The following PCDHA4 variants were observed in gnomAD, a reference collection of about 807,000 sequenced individuals.
The protein encoded by PCDHA4 is protocadherin alpha 4.
In PCDHA4, 49 loss-of-function variants were observed where a neutral mutation model predicts 61.4. That is an observed-to-expected ratio of 0.80 (90% CI 0.63 to 1.01). The LOEUF is 1.01. PCDHA4 is among the 50% of genes least tolerant of loss of function. The pLI is 0.00. For synonymous variants in PCDHA4, 590 were observed against 550.3 expected (o/e 1.07, Z -1.01); for missense variants, 1,254 against 1,235.8 (o/e 1.01, Z -0.22).
chr5:140,929,070 G>A lies in PCDHA4; in HGVS notation c.2386-49879G>A, dbSNP rs2085795989. 2.5e-6 allele frequency: 4 copies of A among 1,614,200 alleles called. No homozygotes were observed. The African/African-American group carries it at 5.3e-5, about 22-fold the overall frequency. ...GCTGTCGCTCTACAGAGGATCTGAG[G>A]TATGGAAGTAAGATGGTTTCAAATC... On this transcript the variant is annotated intron_variant, in intron 1 of 3. Coordinates refer to ENST00000530339, the MANE Select transcript of PCDHA4 (RefSeq NM_018907.4).
At chr5:140,909,872 G>A (rs1245615872) in intron 1 of PCDHA4, among the ~76,000 whole-genome samples, 2 of 152,182 alleles carry the variant, frequency 1.3e-5, no homozygotes, top group African/African-American at 4.8e-5. Flanking sequence ...GTCAACGTCA[G>A]CTTAGAGACA....
In PCDHA4 at chr5:140,877,360, G is replaced by A. The variant is rs199937567; in HGVS notation, c.2385+67788G>A. Reference sequence around the variant, plus strand: ...GTTCCACGTGGGGCTGTACACTGGCGAGATCAGCACGACACGCATCCTGGA... The same window carrying A: ...GTTCCACGTGGGGCTGTACACTGGCAAGATCAGCACGACACGCATCCTGGA... On this transcript the variant is annotated intron_variant, in intron 1 of 3. Coordinates refer to ENST00000530339, the MANE Select transcript of PCDHA4 (RefSeq NM_018907.4). 63 of 1,614,022 alleles carry A rather than the reference G, an allele frequency of 3.9e-5. No individual in the cohort carries two copies. The highest frequency in any genetic ancestry group is 6.7e-5 in the Admixed American group (4 of 60,028).
At chr5:140,848,871 A>T in intron 1 of PCDHA4, 1 of 1,590,856 alleles carries the variant, frequency 6.3e-7, no homozygotes, top group Non-Finnish European at 8.6e-7. Context: ...GGTGAAGGAC[A>T]TTAACGACAA....
intron 1 of PCDHA4, among the ~76,000 whole-genome samples, chr5:140,899,492 T>A (rs1325439071): frequency 3.9e-5 from 6 of 152,338 alleles, no homozygotes; most frequent in Admixed American, 3.3e-4. Context: ...CTGGATTACA[T>A]TTATTGATTT....
In PCDHA4 at chr5:140,926,973, G is replaced by T. The variant is rs369317394; in HGVS notation, c.2386-51976G>T. 5.0e-6 allele frequency: 8 copies of T among 1,609,646 alleles called. No homozygotes were observed. The African/African-American group carries it at 1.1e-4, about 21-fold the overall frequency. On this transcript the variant is annotated intron_variant, in intron 1 of 3. Transcript: ENST00000530339. ...CGGGACAGCTCGAGTACTCAGTGCC[G>T]GAGGAGACGGAGCGGGGCGTAGCCG...
rs189790601 is a variant in PCDHA4 at position 140,875,550 on chromosome 5, G to A, written c.2385+65978G>A. ...TTCTGCTCCTTGCAGCCTGGGAGGTGGGGAGCGGCCAGCTCCACTACTCCG... is the reference window on the plus strand; with the variant it reads ...TTCTGCTCCTTGCAGCCTGGGAGGTAGGGAGCGGCCAGCTCCACTACTCCG... On this transcript the variant is annotated intron_variant, in intron 1 of 3. Transcript: ENST00000530339. 51 of 1,614,134 alleles carry A rather than the reference G, an allele frequency of 3.2e-5. No homozygotes were observed. In the African/African-American group the frequency reaches 5.7e-4, roughly 18 times the overall value.
In PCDHA4 at chr5:140,942,596, A is replaced by T. The variant is rs116159999; in HGVS notation, c.2386-36353A>T. On this transcript the variant is annotated intron_variant, in intron 1 of 3. Coordinates refer to ENST00000530339, the MANE Select transcript of PCDHA4 (RefSeq NM_018907.4). ...CCCATATAGGATGTCACATATAATT[A>T]TAGTGTTTATATTTGCCAATTGTAA... 7.0e-3 allele frequency among the ~76,000 whole-genome samples: 992 copies of T among 142,408 alleles called. 16 individuals carry two copies. Among genetic ancestry groups the T allele is most frequent in the African/African-American group, 0.025 (912 of 36,952 alleles). 93.4% of individuals were successfully genotyped at this position (142,408 alleles called of 152,430 possible).
intron 1 of PCDHA4, chr5:140,850,180 C>G: frequency 6.3e-7 from 1 of 1,593,798 alleles, no homozygotes; most frequent in African/African-American, 1.3e-5. Flanking sequence ...AACGACAATG[C>G]GCCGGCGCTG....
intron 3 of PCDHA4, among the ~76,000 whole-genome samples, chr5:140,989,275 G>A (rs2097335515): frequency 6.6e-6 from 1 of 152,096 alleles, no homozygotes; most frequent in African/African-American, 2.4e-5. Context: ...TTTCTGCTGG[G>A]GACATCTCAG....
intron 1 of PCDHA4, among the ~76,000 whole-genome samples, chr5:140,894,202 A>G (rs1554185980): frequency 6.6e-6 from 1 of 152,034 alleles, no homozygotes. Context: ...TTTCTATGCT[A>G]TTATATTCTC....
intron 1 of PCDHA4, chr5:140,928,060 T>C: frequency 6.2e-7 from 1 of 1,614,204 alleles, no homozygotes; most frequent in Non-Finnish European, 8.5e-7. Flanking sequence ...GCTGACGGCT[T>C]CCTTTGACAA....
intron 1 of PCDHA4, chr5:140,843,536 C>G: frequency 6.3e-7 from 1 of 1,595,956 alleles, no homozygotes; most frequent in Non-Finnish European, 8.6e-7. Context: ...CAAGCCCACT[C>G]TGGTGTGCTC....
intron 1 of PCDHA4, chr5:140,825,809 T>A (rs1318572939): frequency 6.6e-6 from 1 of 152,498 alleles, no homozygotes; most frequent in African/African-American, 2.4e-5. Flanking sequence ...TTACTGCTTG[T>A]TGTTACTTTT....
intron 1 of PCDHA4, chr5:140,876,573 C>T (rs2056433061): frequency 6.2e-7 from 1 of 1,614,152 alleles, no homozygotes; most frequent in South Asian, 1.1e-5. Context: ...AGGTGGGTAC[C>T]GTCATTGCCC....
intron 1 of PCDHA4, among the ~76,000 whole-genome samples, chr5:140,919,944 A>T (rs1554199311): frequency 6.6e-6 from 1 of 151,622 alleles, no homozygotes; most frequent in Non-Finnish European, 1.5e-5. Flanking sequence ...AATTCCAGTG[A>T]AAAGTTTGTT....
In PCDHA4 at chr5:140,929,054, C is replaced by T. The variant is rs782514800; in HGVS notation, c.2386-49895C>T. 27 of 1,614,056 alleles carry T rather than the reference C, an allele frequency of 1.7e-5. No individual in the cohort carries two copies. The highest frequency in any genetic ancestry group is 2.1e-5 in the Non-Finnish European group (25 of 1,180,042). ...TGTTGCGCTCAGAGCTGCTGTCGCT[C>T]TACAGAGGATCTGAGGTATGGAAGT... is the stretch of plus-strand genomic sequence containing the variant. On this transcript the variant is annotated intron_variant, in intron 1 of 3. Coordinates refer to ENST00000530339, the MANE Select transcript of PCDHA4 (RefSeq NM_018907.4).
In PCDHA4 at chr5:140,835,864, T is replaced by C. The variant is rs2150246825; in HGVS notation, c.2385+26292T>C. 15 of 1,611,970 alleles carry C rather than the reference T, an allele frequency of 9.3e-6. No homozygotes were observed. The highest frequency in any genetic ancestry group is 1.2e-5 in the Non-Finnish European group (14 of 1,179,634). ...AAGAACGCGCTGGTGTCCTACTCGC[T>C]GGTGGAGCTGCGGGTGGGCGAGCGC... On this transcript the variant is annotated intron_variant, in intron 1 of 3. Transcript: ENST00000530339.
intron 1 of PCDHA4, chr5:140,850,828 C>T: frequency 6.3e-7 from 1 of 1,598,230 alleles, no homozygotes; most frequent in African/African-American, 1.3e-5. Context: ...GGCCTTTCTC[C>T]TTGTGCTGGA....
In PCDHA4 at chr5:141,012,021, A is replaced by T. The variant is rs1428323351; in HGVS notation, c.*2084A>T. 6.5e-6 allele frequency: 1 copy of T among 153,734 alleles called. No individual in the cohort carries two copies. The highest frequency in any genetic ancestry group is 1.5e-5 in the Non-Finnish European group (1 of 68,044). 9.5% of individuals were successfully genotyped at this position (153,734 alleles called of 1,614,324 possible). The stretch of plus-strand genomic sequence containing the variant: ...CATATTTTGAAGGGTGTGTAACTTC[A>T]GCTCTGCAGGATTGCATGGGGTAAA... On this transcript the variant is annotated 3_prime_UTR_variant, in exon 4 of 4. Transcript: ENST00000530339.
Sources: allele counts gnomAD v4.1 joint callset (sites outside exome capture counted in the v4.1 genomes callset), GRCh38; gene constraint gnomAD v4.1.1; transcripts MANE v1.5; gene names NCBI Gene and HGNC (gene_info 2026-07-23, HGNC 2026-07-21).